The following ZNF492 variants were observed in gnomAD, a reference collection of about 807,000 sequenced individuals.
ZNF492 encodes zinc finger protein 115 (Y20).
Under a neutral mutation model 6.4 loss-of-function variants are expected in ZNF492, and 3 were observed. That is an observed-to-expected ratio of 0.47 (90% CI 0.21 to 1.22). The LOEUF is 1.22. Ranked by LOEUF, ZNF492 falls within the 50% of genes most tolerant of loss-of-function variation. ZNF492 has a pLI of 0.22. For missense variants in ZNF492, 356 were observed against 612.5 expected (o/e 0.58, Z 4.42); for synonymous variants, 112 against 205.3 (o/e 0.55, Z 3.89).
intron 1 of ZNF492, among the ~76,000 whole-genome samples, chr19:22,650,091 G>A (rs750530421): frequency 1.3e-5 from 2 of 152,102 alleles, no homozygotes; most frequent in African/African-American, 2.4e-5. Flanking sequence ...GTCTAGTTTC[G>A]ATCTTTGATG....
At chr19:22,646,582 C>T (rs1191534459) in intron 1 of ZNF492, among the ~76,000 whole-genome samples, 1 of 152,186 alleles carries the variant, frequency 6.6e-6, no homozygotes, top group East Asian at 1.9e-4. Flanking sequence ...AAAGGACATC[C>T]TTGTCTTGTA....
intron 1 of ZNF492, among the ~76,000 whole-genome samples, chr19:22,649,723 G>T (rs1470487957): frequency 2.0e-5 from 3 of 151,744 alleles, no homozygotes; most frequent in Non-Finnish European, 4.4e-5. Context: ...CTTCTACTTT[G>T]TCAATTTGGC....
Position 22,653,932 on chromosome 19 carries a change from C to G in ZNF492, c.47C>G (p.Ser16Cys). 3 of 1,586,416 alleles carry G rather than the reference C, an allele frequency of 1.9e-6. No individual in the cohort carries two copies. Among genetic ancestry groups the G allele is most frequent in the Non-Finnish European group, 1.7e-6 (2 of 1,173,126 alleles). Reference sequence around the variant, plus strand: ...TGTAATAAAACAGGTATTGCTGCCTCTAAGCCAGACCTGATCACCTGTCTG... The same window carrying G: ...TGTAATAAAACAGGTATTGCTGCCTGTAAGCCAGACCTGATCACCTGTCTG... ...RNLVFVGIAA[S>C]KPDLITCLEQ... The change falls in exon 3 of 4, where the codon TCT becomes TGT. Residue 16 changes from serine to cysteine, a missense_variant. Physicochemically the swap from Ser to Cys is moderately radical, Grantham distance 112. Coordinates refer to ENST00000456783, the MANE Select transcript of ZNF492 (RefSeq NM_020855.3).
At chr19:22,639,848 T>A (rs1190939046) in intron 1 of ZNF492, among the ~76,000 whole-genome samples, 2 of 151,908 alleles carry the variant, frequency 1.3e-5, no homozygotes, top group African/African-American at 2.4e-5. Context: ...TTTTTTTTTT[T>A]ATCTTGCCTA....
chr19:22,634,526 C>A (rs1971740052), intron 1 of ZNF492, 52 bp downstream of exon 1: 1 of 1,365,736 alleles, frequency 7.3e-7, no homozygotes, highest in Non-Finnish European at 1.0e-6. Context: ...CTGGTTGGAA[C>A]CGGTGGCAAG....
Position 22,664,225 on chromosome 19 carries a change from A to G in ZNF492, c.556A>G (p.Thr186Ala), listed in dbSNP as rs1309528063. Residue 186 changes from threonine to alanine, a missense_variant, in exon 4 of 4, where the codon ACA (threonine) becomes GCA (alanine). By Grantham distance (58) the Thr-to-Ala change is moderately conservative. Transcript: ENST00000456783. ...KAYNETSNLSTHKRIHTGKKP... is the reference protein window; with the variant it reads ...KAYNETSNLSAHKRIHTGKKP... ...CTATAATGAGACCTCAAACCTTTCTACACATAAAAGAATTCATACTGGAAA... is the reference window on the plus strand; with the variant it reads ...CTATAATGAGACCTCAAACCTTTCTGCACATAAAAGAATTCATACTGGAAA... 22 of 1,612,468 alleles carry G rather than the reference A, an allele frequency of 1.4e-5. No homozygotes were observed. The highest frequency in any genetic ancestry group is 1.7e-5 in the Admixed American group (1 of 59,702).
At chr19:22,637,282 C>CT (rs1555724418) in intron 1 of ZNF492, among the ~76,000 whole-genome samples, 1 of 151,732 alleles carries the variant, frequency 6.6e-6, no homozygotes, top group Non-Finnish European at 1.5e-5. Flanking sequence ...CGGCCTAAAC[C>CT]TTTTATTTTA....
chr19:22,655,816 GTTTTTTTTTTTTT>G (rs987078429), intron 3 of ZNF492, among the ~76,000 whole-genome samples: 1 of 51,786 alleles, frequency 1.9e-5, no homozygotes, highest in Non-Finnish European at 3.9e-5. Context: ...TTTTCTTGTT[GTTTTTTTTTTTTT>G]TTTTTTTTTT....
At chr19:22,663,659 A>G in intron 3 of ZNF492, 141 bp from the exon 4 acceptor site, 2 of 783,584 alleles carry the variant, frequency 2.6e-6, no homozygotes, top group Non-Finnish European at 3.7e-6. Flanking sequence ...ATGCTTTTAT[A>G]TGTCTGTGAA....
At chr19:22,651,271 G>A (rs1599398556) in intron 1 of ZNF492, among the ~76,000 whole-genome samples, 3 of 151,984 alleles carry the variant, frequency 2.0e-5, no homozygotes, top group Admixed American at 1.3e-4. Context: ...GATACCTCAG[G>A]TGCCAGTGCA....
chr19:22,654,508 G>A (rs915323545), intron 3 of ZNF492, among the ~76,000 whole-genome samples: 4 of 149,596 alleles, frequency 2.7e-5, no homozygotes, highest in Admixed American at 1.3e-4. Context: ...TATAAAGTAT[G>A]ATGTTCTTCT....
At chr19:22,635,875 T>C (rs1007559347) in intron 1 of ZNF492, among the ~76,000 whole-genome samples, 4 of 152,226 alleles carry the variant, frequency 2.6e-5, no homozygotes, top group Non-Finnish European at 5.9e-5. Flanking sequence ...CTCTTTTAAC[T>C]TTTATTTTTG....
At chr19:22,643,690 C>A (rs988793528) in intron 1 of ZNF492, among the ~76,000 whole-genome samples, 3 of 152,032 alleles carry the variant, frequency 2.0e-5, no homozygotes, top group South Asian at 4.2e-4. Flanking sequence ...AATCACATGG[C>A]CAGTTTGCAG....
At chr19:22,642,684 C>T (rs1038382366) in intron 1 of ZNF492, among the ~76,000 whole-genome samples, 8 of 152,040 alleles carry the variant, frequency 5.3e-5, no homozygotes, top group African/African-American at 1.7e-4. Flanking sequence ...CGACCGCGCA[C>T]GGCCTTGTCA....
At chr19:22,642,104 A>ATAACATCT (rs1568352319) in intron 1 of ZNF492, among the ~76,000 whole-genome samples, 2 of 152,106 alleles carry the variant, frequency 1.3e-5, no homozygotes, top group African/African-American at 4.8e-5. Context: ...CGCCCCCATC[A>ATAACATCT]GTTTATTATA....
chr19:22,654,853 G>A (rs1360199621), intron 3 of ZNF492, among the ~76,000 whole-genome samples: 13 of 148,904 alleles, frequency 8.7e-5, no homozygotes, highest in Non-Finnish European at 7.4e-5. Flanking sequence ...CGCCCACCTC[G>A]GCCTCCCAGA....
At chr19:22,642,096 C>T (rs1005522774) in intron 1 of ZNF492, among the ~76,000 whole-genome samples, 1 of 152,060 alleles carries the variant, frequency 6.6e-6, no homozygotes, top group Non-Finnish European at 1.5e-5. Flanking sequence ...CCCGGCCACG[C>T]CCCCATCAGT....
chr19:22,663,520 C>T (rs929681460), intron 3 of ZNF492, among the ~76,000 whole-genome samples: 30 of 152,224 alleles, frequency 2.0e-4, no homozygotes, highest in African/African-American at 7.0e-4. Flanking sequence ...TATAGGGAAG[C>T]AGGAAGATCT....
chr19:22,639,837 CTT>C (rs979590038), intron 1 of ZNF492, among the ~76,000 whole-genome samples: 4 of 145,146 alleles, frequency 2.8e-5, no homozygotes, highest in Admixed American at 6.9e-5. Context: ...GTTTGTATGC[CTT>C]TTTTTTTTTA....
Sources: gnomAD v4.1 joint callset for allele counts (sites outside exome capture counted in the v4.1 genomes callset) on GRCh38, gnomAD v4.1.1 for gene constraint, MANE v1.5 for transcripts, NCBI Gene and HGNC (gene_info 2026-07-23, HGNC 2026-07-21) for gene names.